ZNF469: variants seen among roughly 807,000 people sequenced by gnomAD.
The protein encoded by ZNF469 is zinc finger protein 469.
Under a neutral mutation model 1.0 loss-of-function variants are expected in ZNF469, and 1 was observed. The ratio of observed to expected loss-of-function variants is 1.00; its 90% confidence interval spans 0.35 to 4.73. The LOEUF (loss-of-function observed/expected upper bound fraction) is 4.73. ZNF469 is among the 30% of genes most tolerant of loss of function. The pLI, the probability that ZNF469 is intolerant of heterozygous loss-of-function variation, is 0.16. For missense variants in ZNF469, 6,100 were observed against 5,356.3 expected (o/e 1.14, Z -4.33); for synonymous variants, 2,703 against 2,363.4 (o/e 1.14, Z -4.17).
the ZNF469 span, among the ~76,000 whole-genome samples, chr16:88,290,271 G>A: frequency 1.1e-4 from 17 of 152,230 alleles, no homozygotes; most frequent in South Asian, 2.1e-4. Flanking sequence ...CAAAATTTCC[G>A]GTGCCCTTGA....
rs1401357605 is a variant in ZNF469 at position 88,431,063 on chromosome 16, C to T, written c.3593C>T (p.Ala1198Val). ...GPKCADRPSVAPKDPLQVPTN... is the reference protein window; with the variant it reads ...GPKCADRPSVVPKDPLQVPTN... Reference sequence around the variant, plus strand: ...AAGTGTGCTGATCGCCCCTCAGTGGCCCCCAAGGATCCCCTGCAGGTCCCC... The same window carrying T: ...AAGTGTGCTGATCGCCCCTCAGTGGTCCCCAAGGATCCCCTGCAGGTCCCC... Residue 1198 changes from alanine (A) to valine (V), a missense_variant, in exon 3 of 3, where the codon GCC (alanine) becomes GTC (valine). Ala to Val is a moderately conservative substitution (Grantham distance 64, BLOSUM62 0). Transcript: ENST00000565624. 4 of 1,549,094 alleles carry T rather than the reference C, an allele frequency of 2.6e-6. No homozygotes were observed. Among genetic ancestry groups the T allele is most frequent in the African/African-American group, 1.4e-5 (1 of 73,126 alleles).
At chr16:88,347,106 G>T in the ZNF469 span, among the ~76,000 whole-genome samples, 1 of 152,190 alleles carries the variant, frequency 6.6e-6, no homozygotes, top group African/African-American at 2.4e-5. Flanking sequence ...GTCTCAGCAT[G>T]GTGTCACCTG....
the ZNF469 span, among the ~76,000 whole-genome samples, chr16:88,278,808 C>T: frequency 2.3e-5 from 3 of 128,986 alleles, 1 homozygote; most frequent in East Asian, 2.9e-4. Flanking sequence ...ACGGTTAGTG[C>T]TGTGCCACGC....
At chr16:88,386,860 G>A (rs114281393) in intron 1 of ZNF469, among the ~76,000 whole-genome samples, 3,406 of 151,440 alleles carry the variant, frequency 0.022, 116 homozygotes, top group African/African-American at 0.078. Context: ...TAGCCTTGAG[G>A]TGGCTCAGGG....
At chr16:88,208,179 C>G in the ZNF469 span, among the ~76,000 whole-genome samples, 2 of 151,862 alleles carry the variant, frequency 1.3e-5, no homozygotes, top group Non-Finnish European at 1.5e-5. Flanking sequence ...CGGGTTTGGT[C>G]GGTGGGAGCC....
chr16:88,181,317 G>T, the ZNF469 span, among the ~76,000 whole-genome samples: 19 of 151,204 alleles, frequency 1.3e-4, no homozygotes, highest in African/African-American at 4.1e-4. Context: ...TGATCCACCC[G>T]CCTCGGCCTC....
At chr16:88,132,922 C>T in the ZNF469 span, among the ~76,000 whole-genome samples, 1 of 152,222 alleles carries the variant, frequency 6.6e-6, no homozygotes, top group Non-Finnish European at 1.5e-5. Context: ...TGTGGACCCC[C>T]GAGCTGACCA....
the ZNF469 span, among the ~76,000 whole-genome samples, chr16:88,377,345 C>T: frequency 6.6e-6 from 1 of 152,232 alleles, no homozygotes; most frequent in Non-Finnish European, 1.5e-5. Context: ...GGCCCGGTGG[C>T]TTCCGGCTAC....
chr16:88,357,031 C>T, the ZNF469 span, among the ~76,000 whole-genome samples: 1 of 152,222 alleles, frequency 6.6e-6, no homozygotes, highest in Admixed American at 6.5e-5. Context: ...GCAGGGTGCC[C>T]GGCCAGCCCC....
rs891542626 is a variant in ZNF469, at chr16:88,437,664, C to T, written c.10194C>T (p.His3398=). 3 of 1,548,148 alleles carry T rather than the reference C, an allele frequency of 1.9e-6. No individual in the cohort carries two copies. The highest frequency in any genetic ancestry group is 2.6e-6 in the Non-Finnish European group (3 of 1,145,454). The change falls in exon 3 of 3, where the codon CAC becomes CAT. Residue 3398 remains histidine, a synonymous_variant. Coordinates refer to ENST00000565624, the MANE Select transcript of ZNF469 (RefSeq NM_001367624.2). The stretch of plus-strand genomic sequence containing the variant: ...TGCTGGAGCGGCCGGAGCTGCAGCA[C>T]ACGCCGCTGTATGCCTGCGAGCTCT... ...HGLLERPELQ[H]TPLYACELCA... is the part of the protein sequence containing the mutation.
chr16:88,310,189 C>T, the ZNF469 span, among the ~76,000 whole-genome samples: 2 of 152,116 alleles, frequency 1.3e-5, no homozygotes, highest in East Asian at 1.9e-4. Context: ...CTGCAGAACC[C>T]TCAGATTACA....
rs1345279949 is a variant in ZNF469, at chr16:88,437,365, G to A, written c.9895G>A (p.Ala3299Thr). 7 of 1,541,156 alleles carry A rather than the reference G, an allele frequency of 4.5e-6. No individual in the cohort carries two copies. The East Asian group carries it at 9.9e-5, about 22-fold the overall frequency. ...CGCCTCTGCCACCGCCCTGGCTGAC[G>A]CCGGCAGCCCGGGCCCCCCCAGGAC... ...DSASATALADAGSPGPPRTTP... is the reference protein window; with the variant it reads ...DSASATALADTGSPGPPRTTP... Residue 3299 changes from alanine to threonine, a missense_variant, in exon 3 of 3, where the codon GCC becomes ACC. Physicochemically the swap from Ala to Thr is moderately conservative, Grantham distance 58. Coordinates refer to ENST00000565624, the MANE Select transcript of ZNF469 (RefSeq NM_001367624.2).
At chr16:88,215,296 A>G in the ZNF469 span, among the ~76,000 whole-genome samples, 3 of 150,780 alleles carry the variant, frequency 2.0e-5, no homozygotes, top group African/African-American at 7.3e-5. Flanking sequence ...ATTTAATGTA[A>G]TTACTGAAAT....
At chr16:88,276,041 C>T in the ZNF469 span, among the ~76,000 whole-genome samples, 1 of 152,206 alleles carries the variant, frequency 6.6e-6, no homozygotes, top group African/African-American at 2.4e-5. Context: ...CATGATGCCG[C>T]CTGGCACCCT....
the ZNF469 span, among the ~76,000 whole-genome samples, chr16:88,354,051 G>A: frequency 7.9e-5 from 12 of 152,338 alleles, no homozygotes; most frequent in African/African-American, 2.4e-4. Flanking sequence ...CAGGGACCGT[G>A]TTGCCAGGCT....
rs1906344174 is a variant in ZNF469, at chr16:88,433,484, A to G, written c.6014A>G (p.Asn2005Ser). ...QGTANQLQPE[N>S]GVSPGGTDNH... is the part of the protein sequence containing the mutation. ...ACAGCCAACCAGCTTCAGCCAGAGA[A>G]CGGGGTGAGCCCAGGGGGCACGGAC... The change falls in exon 3 of 3, where the codon AAC (asparagine) becomes AGC (serine). Residue 2005 changes from asparagine to serine, a missense_variant. Physicochemically the swap from Asn to Ser is conservative, Grantham distance 46. Coordinates refer to ENST00000565624, the MANE Select transcript of ZNF469 (RefSeq NM_001367624.2). 1.3e-6 allele frequency: 2 copies of G among 1,550,370 alleles called. No homozygotes were observed. The highest frequency in any genetic ancestry group is 1.7e-6 in the Non-Finnish European group (2 of 1,146,944).
chr16:88,438,691 G>C lies in ZNF469; in HGVS notation c.11221G>C (p.Gly3741Arg), dbSNP rs745385522. 6.5e-7 allele frequency: 1 copy of C among 1,549,872 alleles called. No individual in the cohort carries two copies. The highest frequency in any genetic ancestry group is 8.7e-7 in the Non-Finnish European group (1 of 1,146,850). ...CCAGGGCAGTGGAAGCCCTCGCCCC[G>C]GCACCAAGACAGGAGGTGGCAGCCA... ...SSQGSGSPRP[G>R]TKTGGGSQPQ... The change falls in exon 3 of 3, where the codon GGC becomes CGC. Residue 3741 changes from glycine to arginine, a missense_variant. Transcript: ENST00000565624.
chr16:88,244,483 T>G, the ZNF469 span, among the ~76,000 whole-genome samples: 1 of 135,124 alleles, frequency 7.4e-6, no homozygotes, highest in Admixed American at 7.3e-5. Context: ...GTGGATACAT[T>G]GATGAGTGGG....
chr16:88,224,090 G>T, the ZNF469 span, among the ~76,000 whole-genome samples: 5 of 152,212 alleles, frequency 3.3e-5, no homozygotes, highest in Non-Finnish European at 4.4e-5. Context: ...AACAAAACAC[G>T]CCTGTTGTTT....
Sources: gnomAD v4.1 joint callset for allele counts (sites outside exome capture counted in the v4.1 genomes callset) on GRCh38, gnomAD v4.1.1 for gene constraint, MANE v1.5 for transcripts, NCBI Gene and HGNC (gene_info 2026-07-23, HGNC 2026-07-21) for gene names.